Variants in MAMLD1 observed in about 807,000 individuals in gnomAD.
MAMLD1 encodes mastermind like domain containing 1.
MAMLD1 carries 14 observed loss-of-function variants against 45.0 expected under a neutral mutation model. That is an observed-to-expected ratio of 0.31 (90% CI 0.21 to 0.49). MAMLD1 has a LOEUF of 0.49. MAMLD1 is among the 20% of genes least tolerant of loss of function. The pLI, the probability that MAMLD1 is intolerant of heterozygous loss-of-function variation, is 0.99. For missense variants in MAMLD1, 543 were observed against 603.6 expected, an observed-to-expected ratio of 0.90 and a Z score of 1.05; for synonymous variants, 254 against 247.8, an observed-to-expected ratio of 1.02 and a Z score of -0.24.
intron 5 of MAMLD1, among the ~76,000 whole-genome samples, chrX:150,487,010 T>G (rs1466826816): frequency 9.0e-6 from 1 of 111,589 alleles, no homozygotes; most frequent in Non-Finnish European, 1.9e-5. Context: ...TGCAGATTAC[T>G]GGGTTCCATC....
chrX:150,395,852 C>A (rs921613464), intron 1 of MAMLD1, among the ~76,000 whole-genome samples: 1 of 110,615 alleles, frequency 9.0e-6, no homozygotes, highest in African/African-American at 3.3e-5. Flanking sequence ...GGCTTATCAA[C>A]TTTATTGATC....
intron 2 of MAMLD1, among the ~76,000 whole-genome samples, chrX:150,452,519 C>T (rs1350212159): frequency 9.0e-6 from 1 of 110,868 alleles, no homozygotes; most frequent in Admixed American, 9.5e-5. Flanking sequence ...CTAGCCCATG[C>T]AAATTGTTCA....
At chrX:150,445,108 A>G (rs782456738) in intron 1 of MAMLD1, among the ~76,000 whole-genome samples, 16 of 112,373 alleles carry the variant, frequency 1.4e-4, no homozygotes, top group Non-Finnish European at 2.6e-4. Flanking sequence ...ATCTCACTGC[A>G]TATCACACAA....
At chrX:150,392,513 G>A (rs893887323) in intron 1 of MAMLD1, among the ~76,000 whole-genome samples, 2 of 111,068 alleles carry the variant, frequency 1.8e-5, no homozygotes, top group African/African-American at 3.3e-5. Context: ...CCCTGATGGG[G>A]AAGTGGTAGC....
chrX:150,445,591 G>T lies in MAMLD1; in HGVS notation c.75G>T (p.Glu25Asp), dbSNP rs1259408865. ...TCGCCATGGTGGGAAATCGTCAGGA[G>T]CCCAGAAAGCTCCAGGAATCGGTCA... is the stretch of plus-strand genomic sequence containing the variant. ...PHFAMVGNRQEPRKLQESGKK... is the reference protein window; with the variant it reads ...PHFAMVGNRQDPRKLQESGKK... The change falls in exon 2 of 8, where the codon GAG becomes GAT. Residue 25 changes from glutamate (E) to aspartate (D), a missense_variant. Coordinates refer to ENST00000370401, the MANE Select transcript of MAMLD1 (RefSeq NM_005491.5). The T allele has an allele frequency of 3.3e-6, 4 of 1,205,745 alleles. No homozygotes were observed. Among genetic ancestry groups the T allele is most frequent in the Non-Finnish European group, 4.5e-6 (4 of 892,026 alleles).
intron 1 of MAMLD1, among the ~76,000 whole-genome samples, chrX:150,395,718 CT>C (rs1557402262): frequency 9.0e-6 from 1 of 110,638 alleles, no homozygotes; most frequent in African/African-American, 3.3e-5. Flanking sequence ...ACTGGTGAGC[CT>C]AGGGTTGTTC....
chrX:150,499,942 C>G (rs868918927), intron 5 of MAMLD1, among the ~76,000 whole-genome samples: 1 of 110,810 alleles, frequency 9.0e-6, no homozygotes, highest in Non-Finnish European at 1.9e-5. Context: ...GTGTTTATCC[C>G]AAAAAAAAGA....
At chrX:150,487,154 A>G (rs1449668157) in intron 5 of MAMLD1, among the ~76,000 whole-genome samples, 1 of 111,334 alleles carries the variant, frequency 9.0e-6, no homozygotes, top group Non-Finnish European at 1.9e-5. Flanking sequence ...AGAACCTCTG[A>G]TTTAGATTAT....
In MAMLD1 at chrX:150,512,947, G is replaced by T; in HGVS notation, c.*988G>T. The T allele has an allele frequency of 8.6e-7, 1 of 1,156,117 alleles. No individual in the cohort carries two copies. Among genetic ancestry groups the T allele is most frequent in the Non-Finnish European group, 1.1e-6 (1 of 872,895 alleles). ...AAGCTCTCTTGAAAGGCTCCTGTGT[G>T]AGCCCAGATGAAGACTGGGTGTGCA... On this transcript the variant is annotated 3_prime_UTR_variant, in exon 8 of 8. Coordinates refer to ENST00000370401, the MANE Select transcript of MAMLD1 (RefSeq NM_005491.5).
chrX:150,479,630 T>C (rs782495148), intron 5 of MAMLD1, among the ~76,000 whole-genome samples: 1 of 112,087 alleles, frequency 8.9e-6, no homozygotes, highest in Non-Finnish European at 1.9e-5. Flanking sequence ...AGGAATCTCA[T>C]TGCGCTTTTC....
intron 5 of MAMLD1, among the ~76,000 whole-genome samples, chrX:150,492,295 G>T (rs1451527987): frequency 8.9e-6 from 1 of 112,982 alleles, no homozygotes; most frequent in African/African-American, 3.2e-5. Context: ...TGGAGGTGCA[G>T]TGGCTTTCCT....
At chrX:150,466,518 T>C (rs1278732200) in intron 3 of MAMLD1, among the ~76,000 whole-genome samples, 1 of 112,178 alleles carries the variant, frequency 8.9e-6, no homozygotes, top group African/African-American at 3.2e-5. Flanking sequence ...AAAAGCCAGG[T>C]GAGCCTGCCC....
At chrX:150,374,474 C>T (rs1445936126) in intron 1 of MAMLD1, among the ~76,000 whole-genome samples, 1 of 112,746 alleles carries the variant, frequency 8.9e-6, no homozygotes, top group Non-Finnish European at 1.9e-5. Context: ...TCATGGGTTG[C>T]TCTCTTTAGT....
chrX:150,372,290 T>C (rs1280803175), intron 1 of MAMLD1, among the ~76,000 whole-genome samples: 1 of 112,085 alleles, frequency 8.9e-6, no homozygotes, highest in Non-Finnish European at 1.9e-5. Flanking sequence ...CGAGTTGCTG[T>C]CAGAGAGTCA....
At chrX:150,442,338 G>A (rs2035345385) in intron 1 of MAMLD1, among the ~76,000 whole-genome samples, 1 of 111,105 alleles carries the variant, frequency 9.0e-6, no homozygotes, top group Non-Finnish European at 1.9e-5. Context: ...TTTTCTGTTT[G>A]TTCTCTGGTT....
intron 1 of MAMLD1, among the ~76,000 whole-genome samples, chrX:150,390,655 A>T (rs2033137338): frequency 1.8e-5 from 2 of 112,450 alleles, no homozygotes; most frequent in African/African-American, 6.5e-5. Flanking sequence ...TCAGTATCAA[A>T]TAAGATGGCA....
chrX:150,374,070 C>A (rs1557401366), intron 1 of MAMLD1, among the ~76,000 whole-genome samples: 1 of 112,436 alleles, frequency 8.9e-6, no homozygotes, highest in Non-Finnish European at 1.9e-5. Context: ...AAAATGACTC[C>A]CTATCCTCTG....
chrX:150,441,068 T>A (rs185285055), intron 1 of MAMLD1, among the ~76,000 whole-genome samples: 1 of 105,447 alleles, frequency 9.5e-6, no homozygotes, highest in Non-Finnish European at 1.9e-5. Flanking sequence ...TTATGTTTAT[T>A]GATACAAATA....
chrX:150,447,846 T>A (rs1469818048), intron 2 of MAMLD1, among the ~76,000 whole-genome samples: 1 of 111,960 alleles, frequency 8.9e-6, no homozygotes, highest in Admixed American at 9.5e-5. Flanking sequence ...CAGGAAACCA[T>A]GTGCATCTGG....
Sources: allele counts gnomAD v4.1 joint callset (sites outside exome capture counted in the v4.1 genomes callset), GRCh38; gene constraint gnomAD v4.1.1; transcripts MANE v1.5; gene names NCBI Gene and HGNC (gene_info 2026-07-23, HGNC 2026-07-21).